The following DEPTOR variants were observed in gnomAD, a reference collection of about 807,000 sequenced individuals.
DEPTOR encodes DEP domain-containing mTOR-interacting protein.
In DEPTOR, 41 loss-of-function variants were observed where a neutral mutation model predicts 41.6. The observed-to-expected ratio is 0.98, with a 90% CI of 0.77 to 1.28. The LOEUF (loss-of-function observed/expected upper bound fraction) is 1.28. Ranked by LOEUF, DEPTOR falls within the 50% of genes most tolerant of loss-of-function variation. The pLI, the probability that DEPTOR is intolerant of heterozygous loss-of-function variation, is 0.00. For synonymous variants in DEPTOR, 195 were observed against 192.3 expected (o/e 1.01, Z -0.12); for missense variants, 514 against 527.9 (o/e 0.97, Z 0.26).
intron 8 of DEPTOR, among the ~76,000 whole-genome samples, chr8:120,036,069 C>G (rs983634917): frequency 6.6e-6 from 1 of 152,154 alleles, no homozygotes; most frequent in Non-Finnish European, 1.5e-5. Context: ...TGGACTGAAC[C>G]AGGGTTCCCC....
chr8:119,900,826 C>A (rs1482494322), intron 1 of DEPTOR, among the ~76,000 whole-genome samples: 1 of 152,190 alleles, frequency 6.6e-6, no homozygotes, highest in Admixed American at 6.5e-5. Flanking sequence ...TGTATGAGCT[C>A]TAATACCCAA....
chr8:119,996,309 T>C (rs1050309256), intron 4 of DEPTOR, among the ~76,000 whole-genome samples: 2 of 152,212 alleles, frequency 1.3e-5, no homozygotes, highest in African/African-American at 4.8e-5. Flanking sequence ...CAATAGGTGA[T>C]GATAACAGTA....
intron 3 of DEPTOR, among the ~76,000 whole-genome samples, chr8:119,934,352 A>C (rs1828083106): frequency 6.6e-6 from 1 of 152,238 alleles, no homozygotes; most frequent in African/African-American, 2.4e-5. Flanking sequence ...AGAAGCAAGA[A>C]GCTGGCCCTT....
rs370915082 is a variant in DEPTOR at position 120,003,029 on chromosome 8, G to A, written c.843G>A (p.Met281Ile). The change falls in exon 6 of 9, where the codon ATG becomes ATA. Residue 281 changes from methionine to isoleucine, a missense_variant. Transcript: ENST00000286234. ...TGTCTGCAGTGAGGAGAAGCAGCAT[G>A]AGCAGCTGTGGCAGCAGCGGCTACT... Reference protein sequence around the residue: ...KIVSAVRRSSMSSCGSSGYFS... With the variant: ...KIVSAVRRSSISSCGSSGYFS... The A allele has an allele frequency of 4.3e-5, 69 of 1,608,176 alleles. No homozygotes were observed. The highest frequency in any genetic ancestry group is 5.6e-5 in the Non-Finnish European group (66 of 1,177,666).
intron 7 of DEPTOR, 86 bp from the exon 8 acceptor site, chr8:120,008,943 T>A (rs1812489547): frequency 1.6e-6 from 2 of 1,248,046 alleles, no homozygotes; most frequent in African/African-American, 2.9e-5. Flanking sequence ...GTATACTTAA[T>A]CCTGGGCTGG....
At chr8:119,966,942 C>T (rs1828569630) in intron 4 of DEPTOR, among the ~76,000 whole-genome samples, 1 of 152,162 alleles carries the variant, frequency 6.6e-6, no homozygotes, top group African/African-American at 2.4e-5. Context: ...AGGGTATGAT[C>T]TAAAGTTAAT....
intron 1 of DEPTOR, among the ~76,000 whole-genome samples, chr8:119,883,622 A>G (rs1827328111): frequency 6.6e-6 from 1 of 152,110 alleles, no homozygotes; most frequent in African/African-American, 2.4e-5. Flanking sequence ...GGAGGTAGGT[A>G]GCAGCTGAGG....
At chr8:119,988,132 C>T (rs1299429641) in intron 4 of DEPTOR, among the ~76,000 whole-genome samples, 1 of 152,180 alleles carries the variant, frequency 6.6e-6, no homozygotes, top group African/African-American at 2.4e-5. Flanking sequence ...GCTTGAAACC[C>T]TGGTGGTGTA....
chr8:119,903,706 G>A (rs537436185), intron 1 of DEPTOR, among the ~76,000 whole-genome samples: 12 of 152,250 alleles, frequency 7.9e-5, no homozygotes, highest in Middle Eastern at 3.4e-3. Context: ...TCTGGAGACC[G>A]AGTGGCCTCT....
chr8:119,961,211 G>A (rs1031725285), intron 3 of DEPTOR, among the ~76,000 whole-genome samples: 2 of 152,002 alleles, frequency 1.3e-5, no homozygotes, highest in Non-Finnish European at 1.5e-5. Context: ...GAGGTTGGGA[G>A]TTCGAGACCA....
intron 1 of DEPTOR, among the ~76,000 whole-genome samples, chr8:119,881,968 G>T (rs78936994): frequency 0.17 from 25,269 of 152,164 alleles, 2,520 homozygotes; most frequent in South Asian, 0.3. Context: ...GCGGCTCACT[G>T]CAACCTCTGC....
intron 1 of DEPTOR, among the ~76,000 whole-genome samples, chr8:119,921,748 G>GTTTTCTTTTTTTTTTT (rs1827896747): frequency 7.6e-6 from 1 of 131,134 alleles, no homozygotes; most frequent in Admixed American, 7.5e-5. Context: ...CTATTCTGTA[G>GTTTTCTTTTTTTTTTT]TTTTTTTTTT....
At chr8:119,982,672 C>T (rs569258431) in intron 4 of DEPTOR, among the ~76,000 whole-genome samples, 4 of 152,216 alleles carry the variant, frequency 2.6e-5, no homozygotes, top group African/African-American at 4.8e-5. Flanking sequence ...CCCACAAAGG[C>T]GCTGTCCATC....
At chr8:119,910,378 C>T (rs1396362524) in intron 1 of DEPTOR, among the ~76,000 whole-genome samples, 1 of 152,164 alleles carries the variant, frequency 6.6e-6, no homozygotes, top group Non-Finnish European at 1.5e-5. Flanking sequence ...CCCTGGGAAA[C>T]ATTTTTGTTT....
At chr8:120,033,636 G>A (rs1211067605) in intron 8 of DEPTOR, among the ~76,000 whole-genome samples, 3 of 152,190 alleles carry the variant, frequency 2.0e-5, no homozygotes, top group Non-Finnish European at 4.4e-5. Context: ...CTCTAGGAAC[G>A]AAGATTTGGA....
At chr8:119,963,714 A>G (rs571798462) in intron 3 of DEPTOR, among the ~76,000 whole-genome samples, 33 of 152,208 alleles carry the variant, frequency 2.2e-4, no homozygotes, top group African/African-American at 7.2e-4. Context: ...TGCATCATAT[A>G]TGGATGCATA....
At chr8:119,979,657 CAAGGAA>C (rs1320230867) in intron 4 of DEPTOR, among the ~76,000 whole-genome samples, 2 of 150,118 alleles carry the variant, frequency 1.3e-5, no homozygotes, top group Non-Finnish European at 3.0e-5. Context: ...CGCTTCCATC[CAAGGAA>C]GGCCTGCGTA....
rs536926696 is a variant in DEPTOR at position 119,874,135 on chromosome 8, C to T, written c.122+167C>T. On this transcript the variant is annotated intron_variant, in intron 1 of 8. Transcript: ENST00000286234. ...TCGGTGCGCCCGCGCTTAGCTGCTG[C>T]AGCCTCGGTCCCTGAGGACTCGCTC... is the stretch of plus-strand genomic sequence containing the variant. The T allele has an allele frequency of 6.4e-6, 7 of 1,098,740 alleles. No homozygotes were observed. In the African/African-American group the frequency reaches 6.8e-5, roughly 11 times the overall value. The allele number at this position is 1,098,740 out of a possible 1,614,324, so 68.1% of individuals were successfully genotyped here.
intron 1 of DEPTOR, among the ~76,000 whole-genome samples, chr8:119,882,602 T>A (rs1050998583): frequency 2.0e-5 from 3 of 151,936 alleles, no homozygotes; most frequent in African/African-American, 7.3e-5. Flanking sequence ...AGAGATGGGG[T>A]CTTGCCATGT....
Sources: gnomAD v4.1 joint callset for allele counts (sites outside exome capture counted in the v4.1 genomes callset) on GRCh38, gnomAD v4.1.1 for gene constraint, MANE v1.5 for transcripts, NCBI Gene and HGNC (gene_info 2026-07-23, HGNC 2026-07-21) for gene names.